The following CEMIP variants were observed in gnomAD, a reference collection of about 807,000 sequenced individuals.
CEMIP encodes cell migration-inducing and hyaluronan-binding protein.
A neutral mutation model predicts 156.9 loss-of-function variants in CEMIP; 105 were observed. The observed-to-expected ratio is 0.67, with a 90% CI of 0.57 to 0.79. CEMIP has a LOEUF of 0.79. Ranked by LOEUF, CEMIP falls within the 30% of genes least tolerant of loss-of-function variation. The pLI, the probability that CEMIP is intolerant of heterozygous loss-of-function variation, is 0.00. For missense variants in CEMIP, 1,457 were observed against 1,769.4 expected (o/e 0.82, Z 3.17); for synonymous variants, 676 against 668.4 (o/e 1.01, Z -0.17).
intron 1 of CEMIP, among the ~76,000 whole-genome samples, chr15:80,781,373 C>A (rs950299242): frequency 6.6e-6 from 1 of 152,176 alleles, no homozygotes; most frequent in East Asian, 1.9e-4. Flanking sequence ...AAGCCCATGA[C>A]TTTCTTAAAG....
Position 80,930,324 on chromosome 15 carries a change from G to A in CEMIP, c.2612+1150G>A, listed in dbSNP as rs112239653. Among the ~76,000 whole-genome samples, 201 of 152,338 alleles carry A rather than the reference G, an allele frequency of 1.3e-3. 1 individual carries two copies. The highest frequency in any genetic ancestry group is 0.01 in the Middle Eastern group (3 of 294). ...TGTATGAGTGACCCTGAATCCGCAC[G>A]TTCAAGGTTTCTTTGCCAAGGGTTA... is the stretch of plus-strand genomic sequence containing the variant. On this transcript the variant is annotated intron_variant, in intron 21 of 29. Transcript: ENST00000394685.
rs150176599 is a variant in CEMIP at position 80,805,249 on chromosome 15, A to G, written c.-176+25635A>G. Among the ~76,000 whole-genome samples the G allele has an allele frequency of 3.7e-3, 557 of 152,332 alleles. 3 individuals are homozygous for G. Among genetic ancestry groups the G allele is most frequent in the Non-Finnish European group, 5.7e-3 (391 of 68,030 alleles). ...GACAAGGCTGCTAAAGGCTGTTTGC[A>G]TTCTGTGAGTCAGGTCCGAAGCAAA... On this transcript the variant is annotated intron_variant, in intron 1 of 29. Coordinates refer to ENST00000394685, the MANE Select transcript of CEMIP (RefSeq NM_001293298.2).
chr15:80,874,053 G>A, intron 3 of CEMIP, 80 bp downstream of exon 3: 1 of 1,354,212 alleles, frequency 7.4e-7, no homozygotes. Context: ...TGCTTTTGGG[G>A]GAGCCAGGAG....
intron 1 of CEMIP, among the ~76,000 whole-genome samples, chr15:80,818,194 G>A (rs747001887): frequency 2.0e-5 from 3 of 152,194 alleles, no homozygotes; most frequent in Non-Finnish European, 4.4e-5. Flanking sequence ...AGGAGATACT[G>A]TCTCTCACAG....
At chr15:80,922,827 G>A (rs73505494) in intron 17 of CEMIP, among the ~76,000 whole-genome samples, 14,780 of 152,170 alleles carry the variant, frequency 0.097, 833 homozygotes, top group East Asian at 0.22. Flanking sequence ...CAGAGTCATG[G>A]GGCATGGGAT....
At chr15:80,792,719 T>C (rs978562511) in intron 1 of CEMIP, among the ~76,000 whole-genome samples, 4 of 152,190 alleles carry the variant, frequency 2.6e-5, no homozygotes, top group Non-Finnish European at 4.4e-5. Flanking sequence ...TGGCAAGCTA[T>C]GGGCAGTAGC....
intron 1 of CEMIP, among the ~76,000 whole-genome samples, chr15:80,810,994 G>C (rs8035688): frequency 1 from 152,153 of 152,338 alleles, 75,986 homozygotes; most frequent in Middle Eastern, 1. Flanking sequence ...TACCCATCAC[G>C]CAGACATCAT....
intron 14 of CEMIP, among the ~76,000 whole-genome samples, chr15:80,918,371 C>T (rs951123399): frequency 6.6e-6 from 1 of 152,196 alleles, no homozygotes; most frequent in Non-Finnish European, 1.5e-5. Flanking sequence ...TTCCTCCCTC[C>T]TACCCAATGG....
intron 1 of CEMIP, among the ~76,000 whole-genome samples, chr15:80,870,369 T>A (rs1476855590): frequency 1.3e-5 from 2 of 152,066 alleles, no homozygotes; most frequent in Non-Finnish European, 2.9e-5. Flanking sequence ...TACCTCTTCT[T>A]CCAATAATCC....
intron 1 of CEMIP, among the ~76,000 whole-genome samples, chr15:80,872,901 A>C (rs1898344626): frequency 6.6e-6 from 1 of 152,220 alleles, no homozygotes; most frequent in Non-Finnish European, 1.5e-5. Flanking sequence ...TTGGTTCTAC[A>C]CAGGGTCAGG....
At chr15:80,948,191 A>G (rs1451739005) in intron 29 of CEMIP, 1 of 159,272 alleles carries the variant, frequency 6.3e-6, no homozygotes, top group Non-Finnish European at 1.4e-5. Context: ...GCCTGCCAAG[A>G]TGGGCTGAGT....
intron 1 of CEMIP, among the ~76,000 whole-genome samples, chr15:80,859,772 G>A (rs28639891): frequency 0.048 from 7,311 of 152,310 alleles, 567 homozygotes; most frequent in African/African-American, 0.16. Flanking sequence ...GAAGTATTGG[G>A]ATAGTGGAGG....
intron 1 of CEMIP, among the ~76,000 whole-genome samples, chr15:80,866,710 CG>C (rs1197728160): frequency 3.3e-5 from 5 of 149,818 alleles, no homozygotes; most frequent in Non-Finnish European, 7.4e-5. Flanking sequence ...GGCATGAACC[CG>C]GGAGGCAGAG....
At chr15:80,918,725 C>T (rs2141916544) in intron 14 of CEMIP, among the ~76,000 whole-genome samples, 1 of 152,212 alleles carries the variant, frequency 6.6e-6, no homozygotes, top group South Asian at 2.1e-4. Flanking sequence ...CACCATTGCC[C>T]CACTATGGAA....
intron 14 of CEMIP, among the ~76,000 whole-genome samples, chr15:80,911,542 C>T (rs1427428683): frequency 2.6e-5 from 4 of 152,132 alleles, no homozygotes; most frequent in Non-Finnish European, 5.9e-5. Context: ...CACACACACA[C>T]ACACACACAC....
At chr15:80,808,091 C>T (rs986213599) in intron 1 of CEMIP, among the ~76,000 whole-genome samples, 1 of 152,234 alleles carries the variant, frequency 6.6e-6, no homozygotes, top group African/African-American at 2.4e-5. Context: ...ACACTTGTGT[C>T]ACTCTTAGTA....
intron 14 of CEMIP, among the ~76,000 whole-genome samples, chr15:80,916,500 G>A (rs1030844311): frequency 6.6e-6 from 1 of 152,172 alleles, no homozygotes; most frequent in Admixed American, 6.5e-5. Flanking sequence ...ATTACTTCTG[G>A]TTGGCATACA....
chr15:80,895,957 A>C lies in CEMIP; in HGVS notation c.1308A>C (p.Gly436=), dbSNP rs749751432. ...ATAATGTACAGTCATGGAAACCTGG[A>C]GATACCCTGGTCATTGCCAGTACTG... ...LEDNVQSWKP[G]DTLVIASTDY... is the part of the protein sequence containing the mutation. The change falls in exon 12 of 30, where the codon GGA becomes GGC. Residue 436 remains glycine (G), a synonymous_variant. Transcript: ENST00000394685. 5.8e-5 allele frequency: 93 copies of C among 1,614,030 alleles called. No homozygotes were observed. Among genetic ancestry groups the C allele is most frequent in the Admixed American group, 1.2e-4 (7 of 60,006 alleles).
At chr15:80,842,616 C>T (rs1897451697) in intron 1 of CEMIP, among the ~76,000 whole-genome samples, 1 of 152,098 alleles carries the variant, frequency 6.6e-6, no homozygotes, top group South Asian at 2.1e-4. Context: ...TCTGTAATTC[C>T]AGCTACTGGG....
Sources: gnomAD v4.1 joint callset for allele counts (sites outside exome capture counted in the v4.1 genomes callset) on GRCh38, gnomAD v4.1.1 for gene constraint, MANE v1.5 for transcripts, NCBI Gene and HGNC (gene_info 2026-07-23, HGNC 2026-07-21) for gene names.